The following PROCR variants were observed in gnomAD, a reference collection of about 807,000 sequenced individuals.
PROCR encodes protein C receptor, also known as endothelial protein C receptor.
PROCR carries 22 observed loss-of-function variants against 24.2 expected under a neutral mutation model. The ratio of observed to expected loss-of-function variants is 0.91; its 90% CI spans 0.65 to 1.30. PROCR has a LOEUF of 1.30. Ranked by LOEUF, PROCR falls within the 50% of genes most tolerant of loss-of-function variation. The pLI, the probability that PROCR is intolerant of heterozygous loss-of-function variation, is 0.00. For synonymous variants in PROCR, 137 were observed against 139.2 expected, an observed-to-expected ratio of 0.98 and a Z score of 0.11; for missense variants, 288 against 307.7, an observed-to-expected ratio of 0.94 and a Z score of 0.48.
Position 35,174,818 on chromosome 20 carries a change from A to G in PROCR, c.187A>G (p.Thr63Ala). The G allele has an allele frequency of 6.2e-7, 1 of 1,614,032 alleles. No homozygotes were observed. Among genetic ancestry groups the G allele is most frequent in the South Asian group, 1.1e-5 (1 of 91,082 alleles). Reference protein sequence around the residue: ...HLTHVLEGPDTNTTIIQLQPL... With the variant: ...HLTHVLEGPDANTTIIQLQPL... ...AACGCACGTGCTGGAAGGCCCAGAC[A>G]CCAACACCACGATCATTCAGCTGCA... The change falls in exon 2 of 4, where the codon ACC (threonine) becomes GCC (alanine). Residue 63 changes from threonine (T) to alanine (A), a missense_variant. By Grantham distance (58) the Thr-to-Ala change is moderately conservative. Transcript: ENST00000216968.
At chr20:35,176,110 C>T (rs2086013501) in intron 2 of PROCR, 58 bp from the exon 3 acceptor site, 2 of 1,556,052 alleles carry the variant, frequency 1.3e-6, no homozygotes, top group East Asian at 2.2e-5. Flanking sequence ...TGGTGGGCCT[C>T]GCCCCACACC....
In PROCR at chr20:35,176,860, A is replaced by G. The variant is rs1487286668; in HGVS notation, c.*47A>G. ...AGGGGCTGGATTGATGGAGGCTGGC[A>G]AGGGAAAGTTTCAGCTCACTGTGAA... On this transcript the variant is annotated 3_prime_UTR_variant, in exon 4 of 4. Transcript: ENST00000216968. 1 of 1,599,392 alleles carries G rather than the reference A, an allele frequency of 6.3e-7. No individual in the cohort carries two copies. Among genetic ancestry groups the G allele is most frequent in the African/African-American group, 1.3e-5 (1 of 74,790 alleles).
chr20:35,178,554 C>T (rs1490899023), downstream of PROCR, among the ~76,000 whole-genome samples: 3 of 55,502 alleles, frequency 5.4e-5, no homozygotes, highest in Non-Finnish European at 8.7e-5. Flanking sequence ...CTCGCTCTGT[C>T]GCCCAGGCTG....
chr20:35,175,555 T>C (rs1600734169), intron 2 of PROCR, among the ~76,000 whole-genome samples: 16 of 112,210 alleles, frequency 1.4e-4, no homozygotes, highest in South Asian at 3.3e-4. Flanking sequence ...CTCCTTTCTC[T>C]CCTAGTCCCC....
chr20:35,178,546 C>A (rs1273757010), downstream of PROCR, among the ~76,000 whole-genome samples: 6 of 36,574 alleles, frequency 1.6e-4, no homozygotes, highest in Non-Finnish European at 4.2e-5. Flanking sequence ...GACGAAGTCT[C>A]GCTCTGTCGC....
rs1051245250 is a variant in PROCR at position 35,176,978 on chromosome 20, T to C, written c.*165T>C. The C allele has an allele frequency of 2.0e-6, 3 of 1,486,694 alleles. No individual in the cohort carries two copies. Among genetic ancestry groups the C allele is most frequent in the Middle Eastern group, 2.4e-4 (1 of 4,224 alleles). 92.1% of individuals were successfully genotyped at this position (1,486,694 alleles called of 1,614,324 possible). Reference sequence around the variant, plus strand: ...CACTGAAGATTTGAGGGAGGGGAGATGGAGAGGAGAGGTGGACAAAGTACT... The same window carrying C: ...CACTGAAGATTTGAGGGAGGGGAGACGGAGAGGAGAGGTGGACAAAGTACT... On this transcript the variant is annotated 3_prime_UTR_variant, in exon 4 of 4. Coordinates refer to ENST00000216968, the MANE Select transcript of PROCR (RefSeq NM_006404.5).
intron 1 of PROCR, among the ~76,000 whole-genome samples, chr20:35,188,668 G>T (rs1326640218): frequency 6.6e-6 from 1 of 152,186 alleles, no homozygotes; most frequent in East Asian, 1.9e-4. Flanking sequence ...GTCTGATGTG[G>T]TTGCTCCGAA....
exon 2 of PROCR, chr20:35,215,994 T>C: frequency 2.2e-6 from 1 of 456,360 alleles, no homozygotes; most frequent in Non-Finnish European, 2.9e-6. Context: ...GGTTGGGAGT[T>C]CGAGACCAGC....
downstream of PROCR, among the ~76,000 whole-genome samples, chr20:35,178,173 G>A (rs887208305): frequency 1.3e-5 from 2 of 151,932 alleles, no homozygotes; most frequent in African/African-American, 4.8e-5. Flanking sequence ...GGAGGCCGAG[G>A]CGAGAGGATC....
chr20:35,210,335 A>C (rs1460613241), intron 1 of PROCR, among the ~76,000 whole-genome samples: 1 of 152,172 alleles, frequency 6.6e-6, no homozygotes, highest in African/African-American at 2.4e-5. Flanking sequence ...GTTTGAGCTT[A>C]GGAATTGAGG....
At chr20:35,215,284 G>C (rs1224690676) in intron 1 of PROCR, among the ~76,000 whole-genome samples, 1 of 152,162 alleles carries the variant, frequency 6.6e-6, no homozygotes, top group East Asian at 1.9e-4. Context: ...ACACGTGTGT[G>C]GTAATGTTCT....
chr20:35,198,120 TAA>T (rs71198705), intron 1 of PROCR, among the ~76,000 whole-genome samples: 60,680 of 147,492 alleles, frequency 0.41, 12,964 homozygotes, highest in East Asian at 0.64. Context: ...CCATCTCTAC[TAA>T]AAAAAAAAAA....
downstream of PROCR, among the ~76,000 whole-genome samples, chr20:35,180,131 A>G (rs1179935208): frequency 6.6e-6 from 1 of 152,134 alleles, no homozygotes; most frequent in African/African-American, 2.4e-5. Flanking sequence ...TTGTAATCCC[A>G]GCTACTAGCA....
chr20:35,198,120 T>TA (rs71198705), intron 1 of PROCR, among the ~76,000 whole-genome samples: 28 of 147,642 alleles, frequency 1.9e-4, no homozygotes, highest in East Asian at 6.0e-4. Flanking sequence ...CCATCTCTAC[T>TA]AAAAAAAAAA....
intron 1 of PROCR, among the ~76,000 whole-genome samples, chr20:35,200,423 A>G (rs1465915003): frequency 6.6e-6 from 1 of 152,170 alleles, no homozygotes; most frequent in Non-Finnish European, 1.5e-5. Context: ...TTAGTCAGTA[A>G]TCATGAACAC....
At chr20:35,172,561 C>T (rs2085961597) in intron 1 of PROCR, among the ~76,000 whole-genome samples, 1 of 151,784 alleles carries the variant, frequency 6.6e-6, no homozygotes, top group Admixed American at 6.6e-5. Flanking sequence ...AGGGGTACAT[C>T]TAGGGGAGAC....
At chr20:35,180,327 C>T (rs994342942), downstream of PROCR, among the ~76,000 whole-genome samples, 2 of 152,086 alleles carry the variant, frequency 1.3e-5, no homozygotes, top group East Asian at 1.9e-4. Flanking sequence ...AGATAGCTTC[C>T]GCTTGCTTCA....
At chr20:35,188,864 G>A (rs1449196608) in intron 1 of PROCR, among the ~76,000 whole-genome samples, 1 of 152,158 alleles carries the variant, frequency 6.6e-6, no homozygotes, top group Non-Finnish European at 1.5e-5. Flanking sequence ...CGTGACAGAA[G>A]AACATAAATT....
intron 1 of PROCR, among the ~76,000 whole-genome samples, chr20:35,183,631 C>T (rs1358316950): frequency 1.3e-5 from 2 of 152,154 alleles, no homozygotes; most frequent in African/African-American, 4.8e-5. Context: ...GATTCAAACC[C>T]GTGCCTTTGT....
Sources: allele counts gnomAD v4.1 joint callset (sites outside exome capture counted in the v4.1 genomes callset), GRCh38; gene constraint gnomAD v4.1.1; transcripts MANE v1.5; gene names NCBI Gene and HGNC (gene_info 2026-07-23, HGNC 2026-07-21).